Variants in CSGALNACT1 observed in about 807,000 individuals in gnomAD.
The protein encoded by CSGALNACT1 is chondroitin sulfate N-acetylgalactosaminyltransferase 1, also known as beta4GalNAcT-1.
Under a neutral mutation model 51.0 loss-of-function variants are expected in CSGALNACT1, and 52 were observed. That is an observed-to-expected ratio of 1.02 (90% confidence interval 0.82 to 1.29). The LOEUF (loss-of-function observed/expected upper bound fraction) is 1.29, where lower values mean the gene tolerates loss of function less well. CSGALNACT1 is among the 50% of genes most tolerant of loss of function. The probability of loss-of-function intolerance (pLI) is 0.00; values close to 1 mark genes in which losing one functional copy is unlikely to be tolerated. For synonymous variants in CSGALNACT1, 341 were observed against 254.4 expected (o/e 1.34, Z -3.24); for missense variants, 935 against 679.2 (o/e 1.38, Z -4.19).
intron 1 of CSGALNACT1, among the ~76,000 whole-genome samples, chr8:19,646,071 C>T (rs1183296897): frequency 6.6e-6 from 1 of 151,932 alleles, no homozygotes. Context: ...TAGAATAAGC[C>T]TATTGAACGA....
intron 3 of CSGALNACT1, among the ~76,000 whole-genome samples, chr8:19,574,025 A>G (rs1445741002): frequency 6.6e-6 from 1 of 152,130 alleles, no homozygotes; most frequent in Non-Finnish European, 1.5e-5. Flanking sequence ...AGCTCAAGCA[A>G]TCCTCCCGCC....
At chr8:19,707,788 G>C (rs958278801) in intron 1 of CSGALNACT1, among the ~76,000 whole-genome samples, 4 of 152,060 alleles carry the variant, frequency 2.6e-5, no homozygotes, top group Non-Finnish European at 5.9e-5. Context: ...ATCACTTGAG[G>C]TCAGGAGATC....
chr8:19,710,905 C>G (rs1458626500), intron 1 of CSGALNACT1, among the ~76,000 whole-genome samples: 1 of 151,942 alleles, frequency 6.6e-6, no homozygotes, highest in African/African-American at 2.4e-5. Context: ...TGCATCACTA[C>G]CGTATGCTCC....
chr8:19,619,725 A>G (rs1431929952), intron 1 of CSGALNACT1, among the ~76,000 whole-genome samples: 1 of 152,214 alleles, frequency 6.6e-6, no homozygotes, highest in African/African-American at 2.4e-5. Flanking sequence ...TCGTGTCACA[A>G]TAACAAAACA....
intron 3 of CSGALNACT1, among the ~76,000 whole-genome samples, chr8:19,586,192 G>A (rs557817247): frequency 1.2e-3 from 178 of 152,008 alleles, no homozygotes; most frequent in South Asian, 4.8e-3. Flanking sequence ...GCAAAACCCC[G>A]TCTCTACTAA....
In CSGALNACT1 at chr8:19,455,172, C is replaced by T. The variant is rs115066004; in HGVS notation, c.851+3254G>A. Among the ~76,000 whole-genome samples the T allele has an allele frequency of 3.7e-3, 569 of 152,274 alleles. 5 individuals carry two copies. Among genetic ancestry groups the T allele is most frequent in the African/African-American group, 0.013 (545 of 41,544 alleles). On this transcript the variant is annotated intron_variant, in intron 5 of 9. Coordinates refer to ENST00000454498, the Ensembl canonical transcript of CSGALNACT1. ...CTCGTGCTGTTCTACACTGCTTAAA[C>T]ATCTTATAATAGCCAAGTATTACCT...
chr8:19,471,644 C>T (rs1361269050), intron 4 of CSGALNACT1, among the ~76,000 whole-genome samples: 2 of 152,030 alleles, frequency 1.3e-5, no homozygotes, highest in African/African-American at 4.8e-5. Flanking sequence ...CCACCGGTAA[C>T]AGAGGGGTTA....
intron 6 of CSGALNACT1, among the ~76,000 whole-genome samples, chr8:19,421,226 A>C (rs980396457): frequency 4.6e-5 from 7 of 152,136 alleles, no homozygotes; most frequent in Non-Finnish European, 1.0e-4. Context: ...TTAGTGAGAT[A>C]AACAGTGCCA....
intron 2 of CSGALNACT1, among the ~76,000 whole-genome samples, chr8:19,596,318 C>T (rs1305160606): frequency 2.0e-5 from 3 of 152,054 alleles, no homozygotes; most frequent in African/African-American, 7.3e-5. Context: ...TGATTTTCCA[C>T]AAGAAAGGAC....
intron 3 of CSGALNACT1, among the ~76,000 whole-genome samples, chr8:19,531,110 A>G (rs1395637517): frequency 6.6e-6 from 1 of 152,256 alleles, no homozygotes. Context: ...AGAAAAATTA[A>G]AACCTTAGAC....
upstream of CSGALNACT1, among the ~76,000 whole-genome samples, chr8:19,603,792 G>T (rs549254105): frequency 6.6e-6 from 1 of 152,264 alleles, no homozygotes; most frequent in East Asian, 1.9e-4. Context: ...AAGTAAAAAG[G>T]GGGGAAATCT....
At chr8:19,480,935 C>T (rs1466683514) in intron 4 of CSGALNACT1, among the ~76,000 whole-genome samples, 1 of 152,146 alleles carries the variant, frequency 6.6e-6, no homozygotes, top group African/African-American at 2.4e-5. Flanking sequence ...CCCTCTTGTG[C>T]CCTGCTGTTT....
At chr8:19,698,539 C>T (rs917711062) in intron 1 of CSGALNACT1, among the ~76,000 whole-genome samples, 7 of 152,040 alleles carry the variant, frequency 4.6e-5, no homozygotes, top group African/African-American at 1.7e-4. Flanking sequence ...CCAATAAGGC[C>T]GAAGAATTAA....
At chr8:19,527,085 A>G (rs2081871824) in intron 3 of CSGALNACT1, among the ~76,000 whole-genome samples, 1 of 152,216 alleles carries the variant, frequency 6.6e-6, no homozygotes, top group African/African-American at 2.4e-5. Context: ...ATATCAAGAT[A>G]AGTAAGACAG....
chr8:19,407,677 G>A lies in CSGALNACT1; in HGVS notation c.1309+936C>T, dbSNP rs543067516. Among the ~76,000 whole-genome samples, 12 of 152,236 alleles carry A rather than the reference G, an allele frequency of 7.9e-5. No homozygotes were observed. The South Asian group carries it at 1.7e-3, about 21-fold the overall frequency. ...CTTGGTCTCCTCACCTAGATCCCAA[G>A]GGCCTTTTCTCTCTGTGCTCTAGAA... On this transcript the variant is annotated intron_variant, in intron 9 of 9. Transcript: ENST00000454498.
At chr8:19,653,303 G>T (rs1426076908) in intron 1 of CSGALNACT1, among the ~76,000 whole-genome samples, 2 of 152,126 alleles carry the variant, frequency 1.3e-5, no homozygotes, top group African/African-American at 4.8e-5. Context: ...TGACATCGCT[G>T]AGTATCCCTA....
intron 1 of CSGALNACT1, among the ~76,000 whole-genome samples, chr8:19,654,392 G>A (rs968271940): frequency 3.9e-5 from 6 of 152,102 alleles, no homozygotes; most frequent in African/African-American, 9.7e-5. Flanking sequence ...TGTGTGTGAC[G>A]CACTGGAAAG....
chr8:19,747,927 G>T (rs527877602), intron 1 of CSGALNACT1, among the ~76,000 whole-genome samples: 1 of 152,234 alleles, frequency 6.6e-6, no homozygotes, highest in South Asian at 2.1e-4. Context: ...GTTAAAAGAT[G>T]AAAGAAATCT....
intron 8 of CSGALNACT1, among the ~76,000 whole-genome samples, chr8:19,409,106 A>G (rs2055046238): frequency 6.6e-6 from 1 of 152,196 alleles, no homozygotes; most frequent in South Asian, 2.1e-4. Context: ...CTGGGCAGCG[A>G]GCCAGCAAAG....
Sources: allele counts gnomAD v4.1 joint callset (sites outside exome capture counted in the v4.1 genomes callset), GRCh38; gene constraint gnomAD v4.1.1; transcripts MANE v1.5; gene names NCBI Gene and HGNC (gene_info 2026-07-23, HGNC 2026-07-21).